The following SLCO3A1 variants were observed in gnomAD, a reference collection of about 807,000 sequenced individuals.
The protein encoded by SLCO3A1 is PGE1 transporter.
Under a neutral mutation model 63.1 loss-of-function variants are expected in SLCO3A1, and 27 were observed. The observed-to-expected ratio is 0.43, with a 90% CI of 0.32 to 0.59. The LOEUF (loss-of-function observed/expected upper bound fraction) is 0.59, where lower values mean the gene tolerates loss of function less well. SLCO3A1 is among the 20% of genes least tolerant of loss of function. The probability of loss-of-function intolerance (pLI) is 0.09; values close to 1 mark genes in which losing one functional copy is unlikely to be tolerated. For synonymous variants in SLCO3A1, 473 were observed against 409.9 expected (o/e 1.15, Z -1.86); for missense variants, 773 against 945.8 (o/e 0.82, Z 2.40).
chr15:92,002,568 T>A (rs1212270513), intron 2 of SLCO3A1, among the ~76,000 whole-genome samples: 1 of 152,226 alleles, frequency 6.6e-6, no homozygotes, highest in East Asian at 1.9e-4. Flanking sequence ...TTCTGAGAAT[T>A]TTTCTTCTTC....
intron 7 of SLCO3A1, among the ~76,000 whole-genome samples, chr15:92,138,030 T>A (rs1033969894): frequency 1.3e-4 from 15 of 111,330 alleles, no homozygotes; most frequent in Non-Finnish European, 2.6e-4. Context: ...TTTGGTGTTT[T>A]GGACATGAAG....
At position 91,883,740 on chromosome 15, in the gene SLCO3A1, A is replaced by T. The variant is rs1897655540; in HGVS notation, c.180+29652A>T. ...AATTTCGGTTCCAAGTATTTTTTGA[A>T]GTAGAAGTGTGTTTGTAATATCCTA... On this transcript the variant is annotated intron_variant, in intron 1 of 9. Coordinates refer to ENST00000318445, the MANE Select transcript of SLCO3A1 (RefSeq NM_013272.4). The surrounding 1 kb of genome is among the most constrained non-coding windows in gnomAD (Gnocchi z 4.8). Among the ~76,000 whole-genome samples, 1 of 152,210 alleles carries T rather than the reference A, an allele frequency of 6.6e-6. No individual in the cohort carries two copies. Among genetic ancestry groups the T allele is most frequent in the South Asian group, 2.1e-4 (1 of 4,834 alleles).
chr15:92,006,058 G>C (rs1490953541), intron 2 of SLCO3A1, among the ~76,000 whole-genome samples: 1 of 152,082 alleles, frequency 6.6e-6, no homozygotes, highest in Non-Finnish European at 1.5e-5. Flanking sequence ...CAGCTGAGTT[G>C]CTCTGTCGTC....
intron 2 of SLCO3A1, among the ~76,000 whole-genome samples, chr15:91,960,131 G>A (rs981421613): frequency 1.3e-5 from 2 of 152,090 alleles, no homozygotes; most frequent in Non-Finnish European, 2.9e-5. Flanking sequence ...CTATAGGCGC[G>A]TGCCACCATG....
Position 92,163,365 on chromosome 15 carries a change from G to C in SLCO3A1, c.*230G>C, listed in dbSNP as rs191385416. On this transcript the variant is annotated 3_prime_UTR_variant, in exon 10 of 10. Coordinates refer to ENST00000318445, the MANE Select transcript of SLCO3A1 (RefSeq NM_013272.4). ...TGCGGCAGGGTCCTGGAGGCCACTT[G>C]CGCGGCTGGGCCACAGAGTCTACTT... The C allele has an allele frequency of 7.8e-6, 9 of 1,155,540 alleles. No individual in the cohort carries two copies. Among genetic ancestry groups the C allele is most frequent in the Non-Finnish European group, 9.6e-6 (9 of 940,130 alleles). 71.6% of individuals were successfully genotyped at this position (1,155,540 alleles called of 1,614,324 possible). A position where few individuals can be genotyped will look rare whatever the true frequency, so the allele number is the denominator to read the frequency against.
rs941227968 is a variant in SLCO3A1, at chr15:92,079,994, A to T, written c.647-14887A>T. 8.0e-4 allele frequency among the ~76,000 whole-genome samples: 122 copies of T among 152,342 alleles called. 1 individual carries two copies. The highest frequency in any genetic ancestry group is 2.7e-3 in the African/African-American group (111 of 41,584). On this transcript the variant is annotated intron_variant, in intron 2 of 9. Coordinates refer to ENST00000318445, the MANE Select transcript of SLCO3A1 (RefSeq NM_013272.4). ...AAGGCACAAGCTGTTGTTTCTCTGGATGGATTTCCGGCCTGCGGCTAGCCA... is the reference window on the plus strand; with the variant it reads ...AAGGCACAAGCTGTTGTTTCTCTGGTTGGATTTCCGGCCTGCGGCTAGCCA...
intron 2 of SLCO3A1, among the ~76,000 whole-genome samples, chr15:91,956,321 G>C (rs1419383252): frequency 6.6e-6 from 1 of 152,214 alleles, no homozygotes; most frequent in Non-Finnish European, 1.5e-5. Flanking sequence ...TGGGCTGTGA[G>C]TGTTGGGGAT....
intron 2 of SLCO3A1, among the ~76,000 whole-genome samples, chr15:92,076,971 G>A (rs1340096976): frequency 6.6e-6 from 1 of 152,188 alleles, no homozygotes; most frequent in Non-Finnish European, 1.5e-5. Flanking sequence ...TTCACTCACA[G>A]TTCAGGATGG....
intron 1 of SLCO3A1, among the ~76,000 whole-genome samples, chr15:91,866,680 G>T (rs1234494037): frequency 1.3e-5 from 2 of 151,984 alleles, no homozygotes; most frequent in African/African-American, 4.8e-5. Flanking sequence ...GTTGAGTAAG[G>T]CATGTTCTTG....
At chr15:92,137,063 G>T (rs1402780424) in intron 7 of SLCO3A1, among the ~76,000 whole-genome samples, 2 of 146,436 alleles carry the variant, frequency 1.4e-5, no homozygotes, top group African/African-American at 5.2e-5. Flanking sequence ...ATGCTGGTGC[G>T]CTGCACCCAC....
chr15:91,898,498 AT>A (rs1261807067), intron 1 of SLCO3A1, among the ~76,000 whole-genome samples: 1 of 152,188 alleles, frequency 6.6e-6, no homozygotes, highest in African/African-American at 2.4e-5. Flanking sequence ...CTCCAGAGCA[AT>A]TTGAGTCTCT....
At chr15:91,996,553 G>A (rs1223433722) in intron 2 of SLCO3A1, among the ~76,000 whole-genome samples, 1 of 152,066 alleles carries the variant, frequency 6.6e-6, no homozygotes, top group Non-Finnish European at 1.5e-5. Context: ...ATAATTTCGT[G>A]TAAGGGGATC....
chr15:92,095,167 G>C lies in SLCO3A1; in HGVS notation c.745+188G>C, dbSNP rs114756768. 9.8e-3 allele frequency among the ~76,000 whole-genome samples: 1,497 copies of C among 152,294 alleles called. 23 individuals are homozygous for C. The highest frequency in any genetic ancestry group is 0.033 in the African/African-American group (1,381 of 41,570). On this transcript the variant is annotated intron_variant, in intron 3 of 9. Transcript: ENST00000318445. ...TGTTGGTTCAGAGGGCCTGACTCAA[G>C]TCTGGGTTCTGCCAACATCTACCTA...
At chr15:91,937,009 A>C (rs963272422) in intron 2 of SLCO3A1, among the ~76,000 whole-genome samples, 1 of 152,212 alleles carries the variant, frequency 6.6e-6, no homozygotes, top group Non-Finnish European at 1.5e-5. Context: ...ATCTGCAAAG[A>C]GGAAGAATCC....
At position 92,145,973 on chromosome 15, in the gene SLCO3A1, T is replaced by C. The variant is rs539256666; in HGVS notation, c.1513-1011T>C. Reference sequence around the variant, plus strand: ...GGGATCAGAAAACCCTATCTCTGTGTTCTGTGGGGAGAGGGGGAGGACCAG... The same window carrying C: ...GGGATCAGAAAACCCTATCTCTGTGCTCTGTGGGGAGAGGGGGAGGACCAG... On this transcript the variant is annotated intron_variant, in intron 7 of 9. Coordinates refer to ENST00000318445, the MANE Select transcript of SLCO3A1 (RefSeq NM_013272.4). 7.9e-5 allele frequency among the ~76,000 whole-genome samples: 12 copies of C among 152,112 alleles called. No homozygotes were observed. The South Asian group carries it at 2.5e-3, about 32-fold the overall frequency.
intron 2 of SLCO3A1, among the ~76,000 whole-genome samples, chr15:92,015,658 C>T (rs997931416): frequency 2.6e-5 from 4 of 152,058 alleles, no homozygotes; most frequent in Non-Finnish European, 4.4e-5. Context: ...GGAAGATGGC[C>T]AGAACCTAGA....
intron 4 of SLCO3A1, among the ~76,000 whole-genome samples, chr15:92,111,078 G>A (rs559156088): frequency 1.4e-4 from 21 of 152,244 alleles, no homozygotes; most frequent in African/African-American, 4.3e-4. Context: ...TTACATCTTG[G>A]TCAGGGAGCA....
chr15:92,155,409 G>C (rs557008598), intron 9 of SLCO3A1: 1 of 152,496 alleles, frequency 6.6e-6, no homozygotes, highest in East Asian at 1.9e-4. Context: ...TGCCTCTGGC[G>C]GCTGCAGTAG....
Position 91,862,258 on chromosome 15 carries a change from A to G in SLCO3A1, c.180+8170A>G, listed in dbSNP as rs1179430863. Among the ~76,000 whole-genome samples, 3 of 151,760 alleles carry G rather than the reference A, an allele frequency of 2.0e-5. No homozygotes were observed. The highest frequency in any genetic ancestry group is 2.0e-4 in the Admixed American group (3 of 15,246). On this transcript the variant is annotated intron_variant, in intron 1 of 9. Coordinates refer to ENST00000318445, the MANE Select transcript of SLCO3A1 (RefSeq NM_013272.4). This position sits in a 1 kb window ranked among gnomAD's most constrained non-coding sequence, Gnocchi z 4.0. ...AACCTCTGCCTCCCGGGTTCAAGCA[A>G]TTCTCCTGCCTCAGCCTCCCCAGTA...
Sources: gnomAD v4.1 joint callset for allele counts (sites outside exome capture counted in the v4.1 genomes callset) on GRCh38, gnomAD v4.1.1 for gene constraint, Gnocchi (gnomAD v3.1) non-coding constraint, MANE v1.5 for transcripts, NCBI Gene and HGNC (gene_info 2026-07-23, HGNC 2026-07-21) for gene names.